The following SLC7A11 variants were observed in gnomAD, a reference collection of about 807,000 sequenced individuals.
SLC7A11 encodes cystine/glutamate transporter.
In SLC7A11, 35 loss-of-function variants were observed where a neutral mutation model predicts 54.5. That is an observed-to-expected ratio of 0.64 (90% CI 0.49 to 0.85). The LOEUF is 0.85. Among genes scored for constraint, SLC7A11 ranks in the 40% least tolerant of loss-of-function variants. The pLI is 0.00. For synonymous variants in SLC7A11, 230 were observed against 225.2 expected, an observed-to-expected ratio of 1.02 and a Z score of -0.19; for missense variants, 583 against 618.1, an observed-to-expected ratio of 0.94 and a Z score of 0.60.
At chr4:138,172,560 A>G (rs1222415967) in intron 11 of SLC7A11, among the ~76,000 whole-genome samples, 3 of 152,182 alleles carry the variant, frequency 2.0e-5, no homozygotes, top group Non-Finnish European at 2.9e-5. Flanking sequence ...CAACAAAATT[A>G]GCATCAACTA....
At chr4:138,191,104 A>G (rs139138722) in intron 6 of SLC7A11, among the ~76,000 whole-genome samples, 1 of 152,324 alleles carries the variant, frequency 6.6e-6, no homozygotes, top group African/African-American at 2.4e-5. Flanking sequence ...CAAGAGAAAG[A>G]AAACATTCAA....
intron 11 of SLC7A11, 59 bp downstream of exon 11, chr4:138,179,158 C>G: frequency 2.5e-6 from 3 of 1,189,266 alleles, no homozygotes; most frequent in South Asian, 1.3e-5. Context: ...TGTATGCACA[C>G]CTTTATGGGT....
chr4:138,220,294 A>G (rs1737780638), intron 4 of SLC7A11, among the ~76,000 whole-genome samples: 1 of 152,146 alleles, frequency 6.6e-6, no homozygotes, highest in African/African-American at 2.4e-5. Flanking sequence ...ATGCCCATTC[A>G]TGAAGTATTA....
intron 3 of SLC7A11, among the ~76,000 whole-genome samples, chr4:138,231,550 T>G (rs961520684): frequency 6.6e-6 from 1 of 152,192 alleles, no homozygotes; most frequent in Non-Finnish European, 1.5e-5. Flanking sequence ...GTGATTCAAA[T>G]GGCACCTAGA....
intron 1 of SLC7A11, 138 bp downstream of exon 1, chr4:138,241,655 G>T (rs1399182527): frequency 3.1e-6 from 2 of 653,812 alleles, no homozygotes; most frequent in Non-Finnish European, 5.4e-6. Context: ...GGTAGTTCAC[G>T]TACCCGAACA....
intron 4 of SLC7A11, among the ~76,000 whole-genome samples, chr4:138,219,949 A>T (rs5010682): frequency 0.98 from 145,629 of 148,266 alleles, 71,574 homozygotes; most frequent in South Asian, 1. Context: ...TTCTTTTTTT[A>T]TTTTTTTCAA....
chr4:138,235,026 T>A (rs920943556), intron 2 of SLC7A11, among the ~76,000 whole-genome samples: 1 of 152,362 alleles, frequency 6.6e-6, no homozygotes, highest in African/African-American at 2.4e-5. Context: ...CTTATCTTTG[T>A]ATGCTTGAAA....
intron 7 of SLC7A11, 22 bp from the exon 8 acceptor site, chr4:138,183,327 C>T: frequency 1.3e-6 from 2 of 1,490,944 alleles, no homozygotes; most frequent in Admixed American, 1.7e-5. Context: ...AAGAACGAAG[C>T]AAATTAATGC....
chr4:138,210,094 C>G (rs1227476858), intron 6 of SLC7A11, among the ~76,000 whole-genome samples: 1 of 151,784 alleles, frequency 6.6e-6, no homozygotes, highest in African/African-American at 2.4e-5. Flanking sequence ...AAGTCACACA[C>G]CTACAACCAT....
chr4:138,239,440 T>C (rs1738324886), intron 1 of SLC7A11, among the ~76,000 whole-genome samples: 1 of 152,222 alleles, frequency 6.6e-6, no homozygotes, highest in African/African-American at 2.4e-5. Context: ...TTCTTTACAG[T>C]TGGTCCCAAA....
At chr4:138,188,809 T>C (rs1329658743) in intron 6 of SLC7A11, among the ~76,000 whole-genome samples, 2 of 152,224 alleles carry the variant, frequency 1.3e-5, no homozygotes, top group Admixed American at 1.3e-4. Flanking sequence ...AACAAAAGCA[T>C]AATTTTTAAG....
intron 6 of SLC7A11, among the ~76,000 whole-genome samples, chr4:138,213,369 C>T (rs1296671247): frequency 6.6e-6 from 1 of 151,984 alleles, no homozygotes; most frequent in Non-Finnish European, 1.5e-5. Context: ...ATCAGTTTAC[C>T]ATTTCCCAAG....
chr4:138,236,431 A>G lies in SLC7A11; in HGVS notation c.298T>C (p.Leu100=). 1 of 1,610,174 alleles carries G rather than the reference A, an allele frequency of 6.2e-7. No homozygotes were observed. Among genetic ancestry groups the G allele is most frequent in the Non-Finnish European group, 8.5e-7 (1 of 1,178,850 alleles). ...SLFGALSYAE[L]GTTIKKSGGH... ...CCAGATTTCTTTATAGTTGTTCCCA[A>G]TTCAGCATAAGACAAAGCTCCTGTG... Residue 100 remains leucine, a synonymous_variant, in exon 2 of 12, where the codon TTG becomes CTG. Transcript: ENST00000280612.
At chr4:138,241,721 C>A in intron 1 of SLC7A11, 72 bp downstream of exon 1, 1 of 1,257,026 alleles carries the variant, frequency 8.0e-7, no homozygotes. Flanking sequence ...CAAAAACTAC[C>A]ATTTGCTTTC....
At chr4:138,222,857 T>C (rs1014564834) in intron 4 of SLC7A11, among the ~76,000 whole-genome samples, 2 of 137,292 alleles carry the variant, frequency 1.5e-5, no homozygotes, top group African/African-American at 5.6e-5. Context: ...TATTGGACAA[T>C]TTTAAAGTAA....
At chr4:138,196,151 C>T (rs1307704153) in intron 6 of SLC7A11, among the ~76,000 whole-genome samples, 1 of 152,152 alleles carries the variant, frequency 6.6e-6, no homozygotes, top group Non-Finnish European at 1.5e-5. Flanking sequence ...CAGGATAACA[C>T]TGCCCCTAGC....
chr4:138,173,089 T>C (rs543899256), intron 11 of SLC7A11, among the ~76,000 whole-genome samples: 19 of 152,198 alleles, frequency 1.2e-4, no homozygotes, highest in African/African-American at 4.6e-4. Context: ...GTGATTTGCC[T>C]GCCTCGACCT....
Position 138,170,267 on chromosome 4 carries a change from T to TAC in SLC7A11, c.*1688_*1689insGT, listed in dbSNP as rs1174425587. ...GTGTGTGTGTATATATATATATATA[T>TAC]ATATACACACACACACACACACACA... On this transcript the variant is annotated 3_prime_UTR_variant, in exon 12 of 12. Transcript: ENST00000280612. 3.7e-4 allele frequency: 34 copies of TAC among 91,496 alleles called. No individual in the cohort carries two copies. Among genetic ancestry groups the TAC allele is most frequent in the African/African-American group, 1.3e-3 (33 of 25,566 alleles). The allele number at this position is 91,496 out of a possible 1,614,324, so 5.7% of individuals were successfully genotyped here. A position where few individuals can be genotyped will look rare whatever the true frequency, so the allele number is the denominator to read the frequency against.
At chr4:138,172,095 G>A (rs1736441083) in intron 11 of SLC7A11, 78 bp from the exon 12 acceptor site, 9 of 1,432,092 alleles carry the variant, frequency 6.3e-6, no homozygotes, top group African/African-American at 5.8e-5. Flanking sequence ...GAATTATTTT[G>A]GGTTGAATAC....
Sources: allele counts gnomAD v4.1 joint callset (sites outside exome capture counted in the v4.1 genomes callset), GRCh38; gene constraint gnomAD v4.1.1; transcripts MANE v1.5; gene names NCBI Gene and HGNC (gene_info 2026-07-23, HGNC 2026-07-21).